XYLT1: variants seen among roughly 807,000 people sequenced by gnomAD.
The protein encoded by XYLT1 is beta-D-xylosyltransferase 1.
In XYLT1, 36 loss-of-function variants were observed where a neutral mutation model predicts 91.3. The ratio of observed to expected loss-of-function variants is 0.39; its 90% CI spans 0.30 to 0.52. The LOEUF is 0.52. Ranked by LOEUF, XYLT1 falls within the 20% of genes least tolerant of loss-of-function variation. The pLI, the probability that XYLT1 is intolerant of heterozygous loss-of-function variation, is 0.68. For synonymous variants in XYLT1, 588 were observed against 532.0 expected, an observed-to-expected ratio of 1.11 and a Z score of -1.45; for missense variants, 1,242 against 1,284.5, an observed-to-expected ratio of 0.97 and a Z score of 0.51.
intron 1 of XYLT1, chr16:17,369,708 T>C (rs2035503958): frequency 1.3e-5 from 2 of 152,192 alleles, no homozygotes. Flanking sequence ...AGGACCATCT[T>C]CCTCTAGCTC....
intron 3 of XYLT1, among the ~76,000 whole-genome samples, chr16:17,238,394 C>T (rs1383873375): frequency 1.3e-5 from 2 of 152,186 alleles, no homozygotes; most frequent in African/African-American, 4.8e-5. Context: ...TACTTTTGCA[C>T]CAACCTAATA....
At chr16:17,413,855 C>T (rs2036144445) in intron 1 of XYLT1, among the ~76,000 whole-genome samples, 1 of 152,164 alleles carries the variant, frequency 6.6e-6, no homozygotes, top group Admixed American at 6.6e-5. Flanking sequence ...CCAACAAACC[C>T]AGAGTCTATA....
At chr16:17,305,983 G>C (rs1414334171) in intron 2 of XYLT1, among the ~76,000 whole-genome samples, 2 of 152,098 alleles carry the variant, frequency 1.3e-5, no homozygotes, top group Non-Finnish European at 2.9e-5. Context: ...AGTACCCTCT[G>C]AGAACCTGCT....
At chr16:17,213,193 C>T (rs532636015) in intron 3 of XYLT1, among the ~76,000 whole-genome samples, 2 of 152,230 alleles carry the variant, frequency 1.3e-5, no homozygotes, top group African/African-American at 4.8e-5. Flanking sequence ...GTGTGTGGCA[C>T]CTCCCCTGTC....
chr16:17,110,000 C>T (rs976532311), intron 11 of XYLT1, among the ~76,000 whole-genome samples: 2 of 152,162 alleles, frequency 1.3e-5, no homozygotes, highest in African/African-American at 4.8e-5. Context: ...TGCTGCCTTG[C>T]TGGGCCCCTC....
At chr16:17,318,508 G>C (rs1451966111) in intron 2 of XYLT1, among the ~76,000 whole-genome samples, 1 of 152,194 alleles carries the variant, frequency 6.6e-6, no homozygotes, top group East Asian at 1.9e-4. Flanking sequence ...GTCCTGGCTT[G>C]GTTCTCCAAC....
intron 2 of XYLT1, among the ~76,000 whole-genome samples, chr16:17,348,253 G>C (rs2035173467): frequency 6.6e-6 from 1 of 152,116 alleles, no homozygotes; most frequent in African/African-American, 2.4e-5. Flanking sequence ...CGGGGCTGTG[G>C]ATCTTCCACG....
At chr16:17,115,792 T>C in intron 11 of XYLT1, among the ~76,000 whole-genome samples, 1 of 89,004 alleles carries the variant, frequency 1.1e-5, no homozygotes, top group East Asian at 3.0e-4. Context: ...AGCCAACCTC[T>C]GTTATATTAA....
intron 10 of XYLT1, among the ~76,000 whole-genome samples, chr16:17,126,289 A>G (rs902562720): frequency 5.3e-5 from 8 of 152,196 alleles, no homozygotes; most frequent in South Asian, 4.1e-4. Flanking sequence ...CAGGCTGATA[A>G]ACAGGGAGAG....
intron 3 of XYLT1, among the ~76,000 whole-genome samples, chr16:17,254,867 C>A (rs961478012): frequency 1.3e-5 from 2 of 152,098 alleles, no homozygotes; most frequent in Admixed American, 6.5e-5. Flanking sequence ...AGGTTGGCAC[C>A]CCTAACCCCA....
At chr16:17,143,707 T>A (rs1322314078) in intron 6 of XYLT1, among the ~76,000 whole-genome samples, 1 of 152,100 alleles carries the variant, frequency 6.6e-6, no homozygotes, top group Non-Finnish European at 1.5e-5. Context: ...CTTACAACAC[T>A]GTAATTTCTT....
At chr16:17,190,296 TTTC>T (rs2032279287) in intron 5 of XYLT1, among the ~76,000 whole-genome samples, 1 of 152,146 alleles carries the variant, frequency 6.6e-6, no homozygotes, top group South Asian at 2.1e-4. Flanking sequence ...TTCACCTCAG[TTTC>T]TTTTTATTAT....
At chr16:17,196,797 G>C (rs541680574) in intron 5 of XYLT1, among the ~76,000 whole-genome samples, 2 of 151,808 alleles carry the variant, frequency 1.3e-5, no homozygotes, top group Admixed American at 1.3e-4. Context: ...AGCCTGGCAC[G>C]ATGGCTCACA....
chr16:17,404,404 C>T (rs2036005460), intron 1 of XYLT1, among the ~76,000 whole-genome samples: 1 of 152,182 alleles, frequency 6.6e-6, no homozygotes, highest in African/African-American at 2.4e-5. Flanking sequence ...GTAACAGCCA[C>T]AGTAACTGAC....
chr16:17,356,088 C>T (rs2035290987), intron 2 of XYLT1, among the ~76,000 whole-genome samples: 1 of 151,922 alleles, frequency 6.6e-6, no homozygotes. Flanking sequence ...TGGGTCTCCA[C>T]CTACTAGATG....
intron 1 of XYLT1, among the ~76,000 whole-genome samples, chr16:17,433,024 C>G (rs931595463): frequency 6.6e-6 from 1 of 152,204 alleles, no homozygotes; most frequent in African/African-American, 2.4e-5. Context: ...AACCCAATCC[C>G]AGCCCAGGAG....
intron 5 of XYLT1, among the ~76,000 whole-genome samples, chr16:17,188,208 C>G (rs1597178536): frequency 6.6e-6 from 1 of 152,096 alleles, no homozygotes; most frequent in East Asian, 1.9e-4. Flanking sequence ...TGCTTGTGAT[C>G]TGGCCTCCCC....
intron 1 of XYLT1, among the ~76,000 whole-genome samples, chr16:17,457,728 AT>A (rs1184781556): frequency 1.3e-5 from 2 of 152,242 alleles, no homozygotes; most frequent in African/African-American, 4.8e-5. Context: ...AGTGTCTTTC[AT>A]AACAGCTGCC....
intron 2 of XYLT1, among the ~76,000 whole-genome samples, chr16:17,315,186 GGACT>G (rs2034608879): frequency 6.6e-6 from 1 of 152,188 alleles, no homozygotes; most frequent in African/African-American, 2.4e-5. Flanking sequence ...CTCCTTCCTA[GGACT>G]GACTTACAAA....
Sources: gnomAD v4.1 joint callset for allele counts (sites outside exome capture counted in the v4.1 genomes callset) on GRCh38, gnomAD v4.1.1 for gene constraint, MANE v1.5 for transcripts, NCBI Gene and HGNC (gene_info 2026-07-23, HGNC 2026-07-21) for gene names.